FKBP5: variants seen among roughly 807,000 people sequenced by gnomAD.
The protein encoded by FKBP5 is peptidyl-prolyl cis-trans isomerase FKBP5.
FKBP5 carries 23 observed loss-of-function variants against 50.5 expected under a neutral mutation model. The observed-to-expected ratio is 0.46, with a 90% CI of 0.33 to 0.65. The LOEUF (loss-of-function observed/expected upper bound fraction) is 0.65. Among genes scored for constraint, FKBP5 ranks in the 30% least tolerant of loss-of-function variants. The pLI, the probability that FKBP5 is intolerant of heterozygous loss-of-function variation, is 0.02. For missense variants in FKBP5, 411 were observed against 553.1 expected, an observed-to-expected ratio of 0.74 and a Z score of 2.58; for synonymous variants, 176 against 190.6, an observed-to-expected ratio of 0.92 and a Z score of 0.63.
chr6:35,594,233 A>G (rs920676014), intron 6 of FKBP5, among the ~76,000 whole-genome samples: 4 of 152,032 alleles, frequency 2.6e-5, no homozygotes, highest in African/African-American at 9.7e-5. Context: ...GCACACCTGT[A>G]GTCCCAGCTA....
chr6:35,684,556 C>T (rs553232635), intron 1 of FKBP5, among the ~76,000 whole-genome samples: 3 of 152,296 alleles, frequency 2.0e-5, no homozygotes, highest in African/African-American at 7.2e-5. Flanking sequence ...CAAACAACTA[C>T]AATCACAATT....
At chr6:35,691,679 A>T (rs1765991083), upstream of FKBP5, among the ~76,000 whole-genome samples, 1 of 152,156 alleles carries the variant, frequency 6.6e-6, no homozygotes, top group Non-Finnish European at 1.5e-5. Flanking sequence ...CACTCTGATC[A>T]CTGCACTTGC....
Position 35,626,478 on chromosome 6 carries a change from A to C in FKBP5, c.251-6204T>G, listed in dbSNP as rs1034696849. ...CATAATGTTTTCTCCTTGAGTTTTAAAAAAAACGCTTAATTGTGGGGGGAT... is the reference window on the plus strand; with the variant it reads ...CATAATGTTTTCTCCTTGAGTTTTACAAAAAACGCTTAATTGTGGGGGGAT... On this transcript the variant is annotated intron_variant, in intron 3 of 10. Transcript: ENST00000357266. 4.0e-5 allele frequency among the ~76,000 whole-genome samples: 6 copies of C among 151,478 alleles called. No individual in the cohort carries two copies. In the South Asian group the frequency reaches 6.2e-4, roughly 16 times the overall value.
At chr6:35,692,385 G>A (rs1260815122), upstream of FKBP5, among the ~76,000 whole-genome samples, 4 of 152,210 alleles carry the variant, frequency 2.6e-5, no homozygotes, top group Non-Finnish European at 5.9e-5. Context: ...GCACAGCTAG[G>A]AAGTAGCAGA....
intron 2 of FKBP5, among the ~76,000 whole-genome samples, chr6:35,710,499 A>G (rs994458924): frequency 6.6e-6 from 1 of 152,186 alleles, no homozygotes; most frequent in African/African-American, 2.4e-5. Context: ...TAAAAAGCCA[A>G]TGATACCAAG....
intron 9 of FKBP5, among the ~76,000 whole-genome samples, chr6:35,578,142 A>G (rs1047484161): frequency 6.6e-6 from 1 of 152,066 alleles, no homozygotes; most frequent in Admixed American, 6.6e-5. Flanking sequence ...ATTAAAAAAA[A>G]CCATAAAATG....
intron 2 of FKBP5, among the ~76,000 whole-genome samples, chr6:35,711,684 T>G (rs1241080676): frequency 6.6e-6 from 1 of 151,968 alleles, no homozygotes; most frequent in Non-Finnish European, 1.5e-5. Flanking sequence ...ACAGGGAAGC[T>G]TTTAGAGTGG....
At chr6:35,699,463 T>C (rs1766140603) in intron 2 of FKBP5, among the ~76,000 whole-genome samples, 4 of 152,206 alleles carry the variant, frequency 2.6e-5, no homozygotes, top group Admixed American at 2.6e-4. Context: ...CGACCAAGGT[T>C]ACTCTCTATC....
chr6:35,579,978 G>C, intron 9 of FKBP5, 58 bp downstream of exon 9: 1 of 1,287,848 alleles, frequency 7.8e-7, no homozygotes, highest in Non-Finnish European at 1.1e-6. Context: ...GCAAAAGACA[G>C]AGATGGAGAA....
chr6:35,612,645 T>C (rs554445571), intron 5 of FKBP5, among the ~76,000 whole-genome samples: 1 of 152,176 alleles, frequency 6.6e-6, no homozygotes, highest in African/African-American at 2.4e-5. Context: ...CTCAGGAAAC[T>C]TACAATCATG....
intron 1 of FKBP5, among the ~76,000 whole-genome samples, chr6:35,724,774 G>T (rs550675351): frequency 6.6e-6 from 1 of 151,528 alleles, no homozygotes; most frequent in Non-Finnish European, 1.5e-5. Context: ...AAAAAAAAAG[G>T]TGCTGGCTTT....
At chr6:35,692,152 C>A (rs1040813321), upstream of FKBP5, among the ~76,000 whole-genome samples, 1 of 152,066 alleles carries the variant, frequency 6.6e-6, no homozygotes, top group Non-Finnish European at 1.5e-5. Flanking sequence ...TTCTGTCTTC[C>A]TTTTTCTTTT....
chr6:35,677,595 T>C (rs528979871), intron 1 of FKBP5, among the ~76,000 whole-genome samples: 1 of 152,118 alleles, frequency 6.6e-6, no homozygotes, highest in Non-Finnish European at 1.5e-5. Flanking sequence ...TGGGCCACAG[T>C]CTGTGGTCTA....
chr6:35,611,670 A>G (rs998345836), intron 5 of FKBP5, among the ~76,000 whole-genome samples: 42 of 152,244 alleles, frequency 2.8e-4, no homozygotes, highest in African/African-American at 9.9e-4. Flanking sequence ...CTTAGAACAC[A>G]GTAACTTTTT....
chr6:35,722,452 T>A (rs1244409092), intron 1 of FKBP5, among the ~76,000 whole-genome samples: 1 of 152,162 alleles, frequency 6.6e-6, no homozygotes, highest in Non-Finnish European at 1.5e-5. Flanking sequence ...TGGCCCAGGC[T>A]CAGCCCTGAA....
chr6:35,657,495 A>ATC (rs767692601), intron 1 of FKBP5, among the ~76,000 whole-genome samples: 1 of 152,066 alleles, frequency 6.6e-6, no homozygotes, highest in Non-Finnish European at 1.5e-5. Flanking sequence ...TTGTGTAGTC[A>ATC]TCTCTCTCTC....
At chr6:35,598,697 G>A (rs1269175167) in intron 5 of FKBP5, among the ~76,000 whole-genome samples, 1 of 152,116 alleles carries the variant, frequency 6.6e-6, no homozygotes, top group Admixed American at 6.5e-5. Context: ...TCCTGACTGG[G>A]CGCGGTGCTC....
chr6:35,594,863 A>G (rs3798346), intron 6 of FKBP5, among the ~76,000 whole-genome samples: 25,195 of 152,240 alleles, frequency 0.17, 2,760 homozygotes, highest in Non-Finnish European at 0.24. Context: ...AAACTTTTAT[A>G]CCTAGAAATT....
chr6:35,587,259 T>C, intron 7 of FKBP5, 142 bp from the exon 8 acceptor site: 2 of 738,014 alleles, frequency 2.7e-6, no homozygotes, highest in East Asian at 2.5e-5. Context: ...TCAGTGCCAA[T>C]TTACTGCTAG....
Sources: gnomAD v4.1 joint callset for allele counts (sites outside exome capture counted in the v4.1 genomes callset) on GRCh38, gnomAD v4.1.1 for gene constraint, MANE v1.5 for transcripts, NCBI Gene and HGNC (gene_info 2026-07-23, HGNC 2026-07-21) for gene names.